DGKK: variants seen among roughly 807,000 people sequenced by gnomAD.
DGKK encodes the protein diacylglycerol kinase kappa, also known as 142 kDa diacylglycerol kinase.
In DGKK, 35 loss-of-function variants were observed where a neutral mutation model predicts 92.2. The observed-to-expected ratio is 0.38, with a 90% CI of 0.29 to 0.50. The LOEUF is 0.50. Among genes scored for constraint, DGKK ranks in the 20% least tolerant of loss-of-function variants. The probability of loss-of-function intolerance (pLI) is 0.92; values close to 1 mark genes in which losing one functional copy is unlikely to be tolerated. For missense variants in DGKK, 910 were observed against 992.2 expected (o/e 0.92, Z 1.11); for synonymous variants, 368 against 360.6 (o/e 1.02, Z -0.23).
intron 4 of DGKK, among the ~76,000 whole-genome samples, chrX:50,414,699 A>C (rs1260293917): frequency 3.6e-5 from 4 of 111,858 alleles, no homozygotes. Context: ...CAGTCTGTCC[A>C]CATTACAAAA....
intron 1 of DGKK, among the ~76,000 whole-genome samples, chrX:50,455,859 G>T (rs1926597748): frequency 9.0e-6 from 1 of 111,113 alleles, no homozygotes; most frequent in Non-Finnish European, 1.9e-5. Flanking sequence ...AACATTATTT[G>T]CCCACATTTG....
intron 1 of DGKK, among the ~76,000 whole-genome samples, chrX:50,445,692 T>C (rs1926288868): frequency 9.0e-6 from 1 of 111,619 alleles, no homozygotes; most frequent in South Asian, 3.8e-4. Context: ...AGCCCTTTAG[T>C]AAAATTTGAA....
At position 50,447,363 on chromosome X, in the gene DGKK, TATATATTATATATATATATA is replaced by T. The variant is rs1557232029; in HGVS notation, c.645+22651_645+22670del. On this transcript the variant is annotated intron_variant, in intron 1 of 27. Coordinates refer to ENST00000611977, the MANE Select transcript of DGKK (RefSeq NM_001013742.4). ...ATATATTATATATATATATAATATA[TATATATTATATATATATATA>T]ATATATATATATTATATATATATAT... Among the ~76,000 whole-genome samples the T allele has an allele frequency of 7.9e-4, 11 of 13,881 alleles. 1 individual carries two copies. Among genetic ancestry groups the T allele is most frequent in the South Asian group, 5.0e-3 (2 of 403 alleles). 12.1% of individuals were successfully genotyped at this position (13,881 alleles called of 115,157 possible).
intron 4 of DGKK, among the ~76,000 whole-genome samples, chrX:50,405,041 C>T (rs1164818525): frequency 9.0e-6 from 1 of 111,388 alleles, no homozygotes; most frequent in Admixed American, 9.5e-5. Context: ...TTAATTCATC[C>T]AATAATCCAT....
chrX:50,424,466 A>G lies in DGKK; in HGVS notation c.646-108T>C, dbSNP rs1925683664. On this transcript the variant is annotated intron_variant, in intron 1 of 27. Transcript: ENST00000611977. ...TATCTAGAAGGCTCTATCTTGTCAC[A>G]TATCTGAGAAATGGCCTGAAGGCCA... The G allele has an allele frequency of 1.3e-5, 9 of 681,425 alleles. No homozygotes were observed. The South Asian group carries it at 2.9e-4, about 22-fold the overall frequency. The allele number at this position is 681,425 out of a possible 1,213,427, so 56.2% of individuals were successfully genotyped here. A position where few individuals can be genotyped will look rare whatever the true frequency, so the allele number is the denominator to read the frequency against.
At chrX:50,370,825 C>G (rs1206740600) in intron 26 of DGKK, among the ~76,000 whole-genome samples, 1 of 112,323 alleles carries the variant, frequency 8.9e-6, no homozygotes, top group Non-Finnish European at 1.9e-5. Flanking sequence ...ATTAACATCC[C>G]TGTATCAGAG....
At chrX:50,399,833 A>G (rs1288374744) in intron 8 of DGKK, among the ~76,000 whole-genome samples, 1 of 112,043 alleles carries the variant, frequency 8.9e-6, no homozygotes, top group African/African-American at 3.2e-5. Flanking sequence ...AAGTAAATGA[A>G]CAAGTCAATG....
At chrX:50,382,954 A>G (rs1249812839) in intron 17 of DGKK, among the ~76,000 whole-genome samples, 1 of 112,030 alleles carries the variant, frequency 8.9e-6, no homozygotes, top group Non-Finnish European at 1.9e-5. Context: ...ACTCCTATAA[A>G]GAACTTTTGA....
chrX:50,378,819 A>G lies in DGKK; in HGVS notation c.2863-128T>C, dbSNP rs185566739. 1.0e-5 allele frequency: 5 copies of G among 500,204 alleles called. No homozygotes were observed. In the Admixed American group the frequency reaches 1.8e-4, roughly 18 times the overall value. 41.2% of individuals were successfully genotyped at this position (500,204 alleles called of 1,213,427 possible). A position where few individuals can be genotyped will look rare whatever the true frequency, so the allele number is the denominator to read the frequency against. ...TCATGAAGAGTGGAAACACTTCATT[A>G]TTAAAAGGGAAAAAGATGAGGTCAG... On this transcript the variant is annotated intron_variant, in intron 20 of 27. Transcript: ENST00000611977.
At chrX:50,447,409 AATAT>A (rs1300605253) in intron 1 of DGKK, among the ~76,000 whole-genome samples, 1 of 12,469 alleles carries the variant, frequency 8.0e-5, no homozygotes, top group Non-Finnish European at 1.1e-4. Context: ...ATATATATAT[AATAT>A]ATATATATAT....
intron 3 of DGKK, among the ~76,000 whole-genome samples, chrX:50,422,033 A>G (rs1204750674): frequency 8.9e-6 from 1 of 112,128 alleles, no homozygotes; most frequent in Non-Finnish European, 1.9e-5. Context: ...CAGTAATCTC[A>G]ACATGGGGTA....
At chrX:50,437,348 C>T (rs1926056156) in intron 1 of DGKK, among the ~76,000 whole-genome samples, 1 of 111,533 alleles carries the variant, frequency 9.0e-6, no homozygotes, top group Non-Finnish European at 1.9e-5. Context: ...CATCCTTTTC[C>T]GACTTCTCCC....
chrX:50,378,578 C>G lies in DGKK; in HGVS notation c.2976G>C (p.Gln992His). Residue 992 changes from glutamine to histidine, a missense_variant and splice_region_variant, in exon 21 of 28, where the codon CAG (glutamine) becomes CAC (histidine). Coordinates refer to ENST00000611977, the MANE Select transcript of DGKK (RefSeq NM_001013742.4). ...IINLHHHRIA[Q>H]CHEVMITIDG... ...CAGTGCCCACCCAGCCCCTGCCTAC[C>G]TGGGCAATGCGATGATGATGCAGGT... is the stretch of plus-strand genomic sequence containing the variant. 8.3e-7 allele frequency: 1 copy of G among 1,201,311 alleles called. No homozygotes were observed. The highest frequency in any genetic ancestry group is 1.1e-6 in the Non-Finnish European group (1 of 889,076).
intron 4 of DGKK, among the ~76,000 whole-genome samples, chrX:50,406,685 AG>A (rs1925162867): frequency 8.9e-6 from 1 of 112,080 alleles, no homozygotes; most frequent in South Asian, 3.7e-4. Context: ...ACCAGAAGCT[AG>A]GAGGAGGCAA....
chrX:50,383,290 T>G (rs1449506095), intron 17 of DGKK, among the ~76,000 whole-genome samples: 2 of 111,119 alleles, frequency 1.8e-5, no homozygotes, highest in Admixed American at 1.9e-4. Flanking sequence ...CATAAATGAA[T>G]CAGGGCTTTC....
Position 50,470,528 on chromosome X carries a change from G to T in DGKK, c.151C>A (p.Pro51Thr), listed in dbSNP as rs782627092. Residue 51 changes from proline (P) to threonine (T), a missense_variant, in exon 1 of 28, where the codon CCA becomes ACA. By Grantham distance (38) the Pro-to-Thr change is conservative. Transcript: ENST00000611977. ...PAPPLLSEAS[P>T]EPIPEPCPEL... Reference sequence around the variant, plus strand: ...GGACAGGGCTCTGGTATGGGTTCTGGCGAAGCCTCGGAGAGCAGCGGCGGA... The same window carrying T: ...GGACAGGGCTCTGGTATGGGTTCTGTCGAAGCCTCGGAGAGCAGCGGCGGA... 6.6e-6 allele frequency: 8 copies of T among 1,211,122 alleles called. No individual in the cohort carries two copies. The highest frequency in any genetic ancestry group is 1.1e-6 in the Non-Finnish European group (1 of 895,484).
intron 15 of DGKK, 135 bp downstream of exon 15, chrX:50,386,223 A>G (rs1166662053): frequency 2.7e-5 from 13 of 489,585 alleles, no homozygotes; most frequent in Non-Finnish European, 4.5e-5. Flanking sequence ...CTGACTTTGT[A>G]TACAATATGA....
intron 4 of DGKK, among the ~76,000 whole-genome samples, chrX:50,405,716 A>C (rs1925136861): frequency 9.0e-6 from 1 of 111,664 alleles, no homozygotes. Context: ...TTAACCTGGA[A>C]CCTTCTGGAA....
At chrX:50,388,382 C>A in intron 13 of DGKK, 145 bp downstream of exon 13, 1 of 465,894 alleles carries the variant, frequency 2.1e-6, no homozygotes, top group South Asian at 3.9e-5. Context: ...CTAAACTTTC[C>A]ATTCAGGGGG....
Sources: gnomAD v4.1 joint callset for allele counts (sites outside exome capture counted in the v4.1 genomes callset) on GRCh38, gnomAD v4.1.1 for gene constraint, MANE v1.5 for transcripts, NCBI Gene and HGNC (gene_info 2026-07-23, HGNC 2026-07-21) for gene names.